Variants in GRID2IP observed in about 807,000 individuals in gnomAD.
GRID2IP encodes the protein delphilin.
Under a neutral mutation model 114.3 loss-of-function variants are expected in GRID2IP, and 78 were observed. The observed-to-expected ratio is 0.68, with a 90% CI of 0.57 to 0.82. The LOEUF (loss-of-function observed/expected upper bound fraction) is 0.82. Among genes scored for constraint, GRID2IP ranks in the 40% least tolerant of loss-of-function variants. The pLI, the probability that GRID2IP is intolerant of heterozygous loss-of-function variation, is 0.00. For missense variants in GRID2IP, 1,727 were observed against 1,678.5 expected (o/e 1.03, Z -0.51); for synonymous variants, 809 against 724.0 (o/e 1.12, Z -1.89).
Position 6,536,914 on chromosome 7 carries a change from G to C in GRID2IP, c.584+2804C>G, listed in dbSNP as rs1779734674. ...CGAGAGCTGCGCCGGGGCTGGGGTG[G>C]GCGGGGGGGCGGCGGGGAGGGTGGC... On this transcript the variant is annotated intron_variant, in intron 2 of 21. Transcript: ENST00000457091. The surrounding 1 kb of genome is among the most constrained non-coding windows in gnomAD (Gnocchi z 5.3). The C allele has an allele frequency of 1.6e-6, 1 of 644,398 alleles. No homozygotes were observed. Among genetic ancestry groups the C allele is most frequent in the Non-Finnish European group, 2.8e-6 (1 of 356,702 alleles). The allele number at this position is 644,398 out of a possible 1,614,324, so 39.9% of individuals were successfully genotyped here. A position where few individuals can be genotyped will look rare whatever the true frequency, so the allele number is the denominator to read the frequency against.
intron 1 of GRID2IP, among the ~76,000 whole-genome samples, chr7:6,545,096 AAAAG>A (rs753316912): frequency 3.3e-5 from 5 of 152,014 alleles, no homozygotes; most frequent in Non-Finnish European, 5.9e-5. Flanking sequence ...CAAAAGAAAA[AAAAG>A]AAAGAAAAGA....
intron 15 of GRID2IP, 139 bp downstream of exon 15, chr7:6,504,653 GA>G (rs1338315338): frequency 1.5e-6 from 1 of 668,104 alleles, no homozygotes; most frequent in African/African-American, 1.8e-5. Context: ...TGGGGCCTGG[GA>G]GGGGGCCTTC....
chr7:6,510,867 A>G, intron 9 of GRID2IP, 41 bp downstream of exon 9: 6 of 1,541,558 alleles, frequency 3.9e-6, no homozygotes, highest in Non-Finnish European at 5.3e-6. Flanking sequence ...AGGTGGGAAA[A>G]CTGAGCTCCA....
chr7:6,503,722 C>A, intron 15 of GRID2IP, 35 bp from the exon 16 acceptor site: 1 of 1,413,004 alleles, frequency 7.1e-7, no homozygotes, highest in South Asian at 1.4e-5. Context: ...CTGGGCGGGG[C>A]CGGAGCGGGG....
intron 21 of GRID2IP, 61 bp from the exon 22 acceptor site, chr7:6,497,906 CCT>C: frequency 2.1e-6 from 3 of 1,453,744 alleles, no homozygotes; most frequent in Non-Finnish European, 2.8e-6. Context: ...TGACGCCTTC[CCT>C]GTCTCTTCCC....
intron 7 of GRID2IP, among the ~76,000 whole-genome samples, chr7:6,517,238 T>C (rs1779326107): frequency 2.0e-5 from 3 of 151,732 alleles, no homozygotes; most frequent in African/African-American, 4.8e-5. Context: ...TTTGTATTTT[T>C]AGTAGAGACG....
chr7:6,509,159 C>G lies in GRID2IP; in HGVS notation c.1926G>C (p.Gln642His). ...SLDSSRAPSPQPGPGPICPDS... is the reference protein window; with the variant it reads ...SLDSSRAPSPHPGPGPICPDS... ...CGGGGCAGATGGGCCCGGGGCCTGG[C>G]TGTGGGGAGGGTGCCCTGCTGCTGT... Residue 642 changes from glutamine to histidine, a missense_variant, in exon 12 of 22, where the codon CAG becomes CAC. Coordinates refer to ENST00000457091, the MANE Select transcript of GRID2IP (RefSeq NM_001145118.2). The surrounding 1 kb of genome is among the most constrained non-coding windows in gnomAD (Gnocchi z 4.9). The G allele has an allele frequency of 1.4e-6, 2 of 1,468,948 alleles. No homozygotes were observed. The highest frequency in any genetic ancestry group is 1.8e-6 in the Non-Finnish European group (2 of 1,109,222). 91.0% of individuals were successfully genotyped at this position (1,468,948 alleles called of 1,614,324 possible).
chr7:6,504,794 G>A lies in GRID2IP; in HGVS notation c.2709C>T (p.Thr903=), dbSNP rs1339330951. 1.3e-6 allele frequency: 2 copies of A among 1,550,930 alleles called. No individual in the cohort carries two copies. The highest frequency in any genetic ancestry group is 1.2e-5 in the South Asian group (1 of 84,062). ...CCCTGGGGTTCCCCGGACCCTCACA[G>A]GTGTTGTAGGCCTTCTTATGGGACA... ...EILSHKKAYN[T]SILLAHLKLS... is the part of the protein sequence containing the mutation. Residue 903 remains threonine, a splice_region_variant and synonymous_variant, in exon 15 of 22, where the codon ACC becomes ACT. Coordinates refer to ENST00000457091, the MANE Select transcript of GRID2IP (RefSeq NM_001145118.2).
intron 15 of GRID2IP, among the ~76,000 whole-genome samples, chr7:6,504,336 G>A (rs1786512077): frequency 6.6e-6 from 1 of 151,330 alleles, no homozygotes; most frequent in Non-Finnish European, 1.5e-5. Context: ...TTCGGCTACA[G>A]GGAGGAGACC....
chr7:6,502,462 C>G (rs1786443576), intron 18 of GRID2IP, among the ~76,000 whole-genome samples: 1 of 152,146 alleles, frequency 6.6e-6, no homozygotes, highest in African/African-American at 2.4e-5. Context: ...GTGATCCTCT[C>G]ACCTTGGCCT....
At chr7:6,544,360 A>T (rs974729443) in intron 1 of GRID2IP, among the ~76,000 whole-genome samples, 6 of 151,288 alleles carry the variant, frequency 4.0e-5, no homozygotes, top group Admixed American at 2.0e-4. Flanking sequence ...GCTCATTGCA[A>T]CCTCTGCCTC....
At position 6,510,297 on chromosome 7, in the gene GRID2IP, G is replaced by A; in HGVS notation, c.1757C>T (p.Pro586Leu). Reference sequence around the variant, plus strand: ...TGGAGCCCTACCTGTGGTGACTGCTGGGCTGGGGCCTGGAGGGGAAGCCCG... The same window carrying A: ...TGGAGCCCTACCTGTGGTGACTGCTAGGCTGGGGCCTGGAGGGGAAGCCCG... ...KSRASPPGPSPAVTTGPRTLS... is the reference protein window; with the variant it reads ...KSRASPPGPSLAVTTGPRTLS... The change falls in exon 11 of 22, where the codon CCA (proline) becomes CTA (leucine). Residue 586 changes from proline (P) to leucine (L), a missense_variant. Coordinates refer to ENST00000457091, the MANE Select transcript of GRID2IP (RefSeq NM_001145118.2). 4 of 1,544,758 alleles carry A rather than the reference G, an allele frequency of 2.6e-6. No individual in the cohort carries two copies. Among genetic ancestry groups the A allele is most frequent in the Non-Finnish European group, 3.5e-6 (4 of 1,144,132 alleles).
At chr7:6,539,987 C>CATAGCACTCAGGTG in intron 1 of GRID2IP, 115 bp from the exon 2 acceptor site, 1 of 869,226 alleles carries the variant, frequency 1.2e-6, no homozygotes, top group Non-Finnish European at 1.8e-6. Flanking sequence ...CTGACGTGGG[C>CATAGCACTCAGGTG]GTACCACCTG....
intron 20 of GRID2IP, among the ~76,000 whole-genome samples, chr7:6,499,591 T>G (rs192722852): frequency 1.3e-5 from 2 of 151,628 alleles, no homozygotes; most frequent in African/African-American, 4.9e-5. Flanking sequence ...GCACCATACC[T>G]GGCTAATTTT....
chr7:6,520,513 G>T lies in GRID2IP; in HGVS notation c.1268+65C>A. ...GAGGTTCAGGCAGGGAGACTGGGAT[G>T]TGAGTCTAGGCAGGACTTAGGGCCC... is the stretch of plus-strand genomic sequence containing the variant. On this transcript the variant is annotated intron_variant, in intron 7 of 21. Transcript: ENST00000457091. The surrounding 1 kb of genome is among the most constrained non-coding windows in gnomAD (Gnocchi z 4.6). The T allele has an allele frequency of 6.9e-7, 1 of 1,455,266 alleles. No homozygotes were observed. Among genetic ancestry groups the T allele is most frequent in the Non-Finnish European group, 9.3e-7 (1 of 1,075,686 alleles). 90.1% of individuals were successfully genotyped at this position (1,455,266 alleles called of 1,614,324 possible).
At chr7:6,512,541 C>T (rs191655611) in intron 8 of GRID2IP, among the ~76,000 whole-genome samples, 16 of 151,410 alleles carry the variant, frequency 1.1e-4, no homozygotes, top group Admixed American at 1.1e-3. Context: ...GATGGAGTCT[C>T]ACCGTGTTGC....
chr7:6,509,438 G>T lies in GRID2IP; in HGVS notation c.1772-125C>A, dbSNP rs1786699614. 1 of 870,290 alleles carries T rather than the reference G, an allele frequency of 1.1e-6. No homozygotes were observed. Among genetic ancestry groups the T allele is most frequent in the Non-Finnish European group, 1.7e-6 (1 of 603,620 alleles). The allele number at this position is 870,290 out of a possible 1,614,324, so 53.9% of individuals were successfully genotyped here. On this transcript the variant is annotated intron_variant, in intron 11 of 21. Transcript: ENST00000457091. This position sits in a 1 kb window ranked among gnomAD's most constrained non-coding sequence, Gnocchi z 4.9. ...CAGGCCACTCTCCTTTCCCTCTCTG[G>T]GCACAGTGCAGGAAGACCTTGAGCG...
Position 6,506,888 on chromosome 7 carries a change from G to A in GRID2IP, c.2545-981C>T. On this transcript the variant is annotated intron_variant, in intron 13 of 21. Coordinates refer to ENST00000457091, the MANE Select transcript of GRID2IP (RefSeq NM_001145118.2). The surrounding 1 kb of genome is among the most constrained non-coding windows in gnomAD (Gnocchi z 5.2). Reference sequence around the variant, plus strand: ...TGTAGAGACAAGATCTCACTATGTTGCCCAGACTTGTCTTGAACTCTTAGG... The same window carrying A: ...TGTAGAGACAAGATCTCACTATGTTACCCAGACTTGTCTTGAACTCTTAGG... Among the ~76,000 whole-genome samples the A allele has an allele frequency of 6.6e-6, 1 of 152,076 alleles. No individual in the cohort carries two copies. Among genetic ancestry groups the A allele is most frequent in the Non-Finnish European group, 1.5e-5 (1 of 67,990 alleles).
Position 6,506,085 on chromosome 7 carries a change from C to T in GRID2IP, c.2545-178G>A, listed in dbSNP as rs1412678214. On this transcript the variant is annotated intron_variant, in intron 13 of 21. Coordinates refer to ENST00000457091, the MANE Select transcript of GRID2IP (RefSeq NM_001145118.2). This position sits in a 1 kb window ranked among gnomAD's most constrained non-coding sequence, Gnocchi z 5.2. ...GGAGAAGCCAGATCATCCGAGTCAC[C>T]GGGTGCTGAGCCAGCGCCTCCTGGG... Among the ~76,000 whole-genome samples the T allele has an allele frequency of 2.6e-5, 4 of 152,180 alleles. No individual in the cohort carries two copies. The highest frequency in any genetic ancestry group is 4.4e-5 in the Non-Finnish European group (3 of 68,028).
Sources: gnomAD v4.1 joint callset for allele counts (sites outside exome capture counted in the v4.1 genomes callset) on GRCh38, gnomAD v4.1.1 for gene constraint, Gnocchi (gnomAD v3.1) non-coding constraint, MANE v1.5 for transcripts, NCBI Gene and HGNC (gene_info 2026-07-23, HGNC 2026-07-21) for gene names.